The following PALD1 variants were observed in gnomAD, a reference collection of about 807,000 sequenced individuals.
PALD1 encodes phosphatase domain containing paladin 1.
PALD1 carries 57 observed loss-of-function variants against 96.0 expected under a neutral mutation model. The ratio of observed to expected loss-of-function variants is 0.59; its 90% confidence interval spans 0.48 to 0.74. The LOEUF (loss-of-function observed/expected upper bound fraction) is 0.74. Ranked by LOEUF, PALD1 falls within the 30% of genes least tolerant of loss-of-function variation. The pLI, the probability that PALD1 is intolerant of heterozygous loss-of-function variation, is 0.00. For synonymous variants in PALD1, 464 were observed against 473.6 expected, an observed-to-expected ratio of 0.98 and a Z score of 0.26; for missense variants, 1,063 against 1,143.7, an observed-to-expected ratio of 0.93 and a Z score of 1.02.
intron 1 of PALD1, among the ~76,000 whole-genome samples, chr10:70,523,969 A>G (rs1364432643): frequency 6.6e-6 from 1 of 152,124 alleles, no homozygotes; most frequent in African/African-American, 2.4e-5. Context: ...CCTGGGGAAG[A>G]AAGGACAGTG....
intron 1 of PALD1, among the ~76,000 whole-genome samples, chr10:70,480,828 C>T (rs193113632): frequency 1.9e-4 from 29 of 152,262 alleles, no homozygotes; most frequent in African/African-American, 4.8e-4. Flanking sequence ...TGGGCAGAGA[C>T]GTGAGTGCGT....
At chr10:70,506,067 A>G (rs1420253772) in intron 1 of PALD1, among the ~76,000 whole-genome samples, 3 of 152,174 alleles carry the variant, frequency 2.0e-5, no homozygotes, top group African/African-American at 4.8e-5. Context: ...GGTCAGCTCC[A>G]ACTCTGACGA....
chr10:70,528,822 T>C (rs1355577086), intron 2 of PALD1, among the ~76,000 whole-genome samples: 1 of 152,198 alleles, frequency 6.6e-6, no homozygotes, highest in Admixed American at 6.5e-5. Flanking sequence ...TTCCGTCTTA[T>C]GATCTAAGAT....
At chr10:70,520,265 A>G (rs1166970232) in intron 1 of PALD1, among the ~76,000 whole-genome samples, 1 of 151,964 alleles carries the variant, frequency 6.6e-6, no homozygotes, top group Non-Finnish European at 1.5e-5. Flanking sequence ...TGGGCTTGAC[A>G]TGCTGGGAGG....
intron 19 of PALD1, 126 bp downstream of exon 19, chr10:70,564,645 C>T: frequency 1.2e-6 from 1 of 845,292 alleles, no homozygotes; most frequent in Non-Finnish European, 1.9e-6. Context: ...AGCCCCCATC[C>T]CCCTTTCTGC....
chr10:70,499,798 G>C (rs56928593), intron 1 of PALD1, among the ~76,000 whole-genome samples: 4 of 152,168 alleles, frequency 2.6e-5, no homozygotes, highest in African/African-American at 9.7e-5. Context: ...GGCATTCAGG[G>C]CCAGACGGCC....
chr10:70,540,976 A>G lies in PALD1; in HGVS notation c.1909-126A>G. 9.4e-7 allele frequency: 1 copy of G among 1,064,618 alleles called. No individual in the cohort carries two copies. Among genetic ancestry groups the G allele is most frequent in the Non-Finnish European group, 1.4e-6 (1 of 737,582 alleles). The allele number at this position is 1,064,618 out of a possible 1,614,324, so 65.9% of individuals were successfully genotyped here. Reference sequence around the variant, plus strand: ...CCGGTGAGTTTTGTTTGTGTGTGCAAGCTTGGGAGCCTGACAATTTCTGGC... The same window carrying G: ...CCGGTGAGTTTTGTTTGTGTGTGCAGGCTTGGGAGCCTGACAATTTCTGGC... On this transcript the variant is annotated intron_variant, in intron 15 of 19. Transcript: ENST00000263563. This position sits in a 1 kb window ranked among gnomAD's most constrained non-coding sequence, Gnocchi z 4.2.
chr10:70,525,929 G>C lies in PALD1; in HGVS notation c.-23G>C, dbSNP rs545654427. ...ACACCCTCTTATCCTACAGGTCTGG[G>C]GTCCTGAGGCTGCTGGCAGACTATG... On this transcript the variant is annotated 5_prime_UTR_variant, in exon 2 of 20. Coordinates refer to ENST00000263563, the MANE Select transcript of PALD1 (RefSeq NM_014431.3). 1.2e-6 allele frequency: 2 copies of C among 1,613,204 alleles called. No homozygotes were observed. The highest frequency in any genetic ancestry group is 1.3e-5 in the African/African-American group (1 of 75,012).
chr10:70,465,350 A>G, the PALD1 span, among the ~76,000 whole-genome samples: 1 of 152,120 alleles, frequency 6.6e-6, no homozygotes, highest in East Asian at 1.9e-4. Context: ...AGGTGGGGAA[A>G]CTGAGGCTCA....
rs148539719 is a variant in PALD1, at chr10:70,564,274, G to T, written c.2263-90G>T. The T allele has an allele frequency of 2.2e-4, 298 of 1,374,488 alleles. No homozygotes were observed. The African/African-American group carries it at 3.7e-3, about 17-fold the overall frequency. The allele number at this position is 1,374,488 out of a possible 1,614,324, so 85.1% of individuals were successfully genotyped here. On this transcript the variant is annotated intron_variant, in intron 18 of 19. Transcript: ENST00000263563. ...CTCAGCTCTGAGGCTGGATCACCCTGCCCTGGCACTCAGGGCAGCAGGGTG... is the reference window on the plus strand; with the variant it reads ...CTCAGCTCTGAGGCTGGATCACCCTTCCCTGGCACTCAGGGCAGCAGGGTG...
Position 70,530,069 on chromosome 10 carries a change from G to T in PALD1, c.468+1G>T, listed in dbSNP as rs751044363. ...GAAACTCCAGAAGGACGGACATAGGGTAAGTATGCCACTTCCCAGGCAGAA... is the reference window on the plus strand; with the variant it reads ...GAAACTCCAGAAGGACGGACATAGGTTAAGTATGCCACTTCCCAGGCAGAA... On this transcript the variant is annotated splice_donor_variant, in intron 4 of 19. Transcript: ENST00000263563. LOFTEE classifies it high-confidence loss of function. The T allele has an allele frequency of 6.6e-7, 1 of 1,507,214 alleles. No homozygotes were observed. Among genetic ancestry groups the T allele is most frequent in the Admixed American group, 2.3e-5 (1 of 43,954 alleles). 93.4% of individuals were successfully genotyped at this position (1,507,214 alleles called of 1,614,324 possible).
At chr10:70,542,988 G>C (rs1226877206) in intron 17 of PALD1, among the ~76,000 whole-genome samples, 1 of 150,668 alleles carries the variant, frequency 6.6e-6, no homozygotes, top group African/African-American at 2.4e-5. Context: ...GGCCAGGCTG[G>C]TCTCGAACTC....
chr10:70,510,103 G>C (rs1004140680), intron 1 of PALD1, among the ~76,000 whole-genome samples: 2 of 152,142 alleles, frequency 1.3e-5, no homozygotes, highest in Admixed American at 1.3e-4. Context: ...CAAATTCATG[G>C]TGTTGAGATG....
Position 70,531,011 on chromosome 10 carries a change from A to G in PALD1, c.469-279A>G, listed in dbSNP as rs557694210. Among the ~76,000 whole-genome samples the G allele has an allele frequency of 3.3e-5, 5 of 152,330 alleles. No individual in the cohort carries two copies. The South Asian group carries it at 1.0e-3, about 32-fold the overall frequency. ...CCTGTGGTCCATTAAGGGGGAAAAG[A>G]TGCATTCATTGATAGTACAAAGCAG... On this transcript the variant is annotated intron_variant, in intron 4 of 19. Transcript: ENST00000263563.
At chr10:70,468,751 T>TGTGTGTGTGTGTGTGTGTGTGTG in the PALD1 span, among the ~76,000 whole-genome samples, 1 of 143,678 alleles carries the variant, frequency 7.0e-6, no homozygotes, top group African/African-American at 2.6e-5. Context: ...TGTGTGTGTG[T>TGTGTGTGTGTGTGTGTGTGTGTG]TTTGAGATGG....
At chr10:70,468,068 C>T in the PALD1 span, among the ~76,000 whole-genome samples, 1 of 152,104 alleles carries the variant, frequency 6.6e-6, no homozygotes, top group East Asian at 1.9e-4. Flanking sequence ...CTGAGAGGCT[C>T]CTTGGCTTTC....
intron 1 of PALD1, among the ~76,000 whole-genome samples, chr10:70,513,606 C>T (rs1468075427): frequency 1.3e-5 from 2 of 152,194 alleles, no homozygotes; most frequent in African/African-American, 4.8e-5. Context: ...AAATCATGAA[C>T]GTCAGACATC....
intron 18 of PALD1, among the ~76,000 whole-genome samples, chr10:70,555,826 C>T (rs1266256721): frequency 1.3e-5 from 2 of 152,134 alleles, no homozygotes; most frequent in African/African-American, 2.4e-5. Flanking sequence ...ACGGTGAAAC[C>T]GCTTCTATAC....
At chr10:70,543,748 G>A (rs1847302763) in intron 17 of PALD1, among the ~76,000 whole-genome samples, 1 of 152,162 alleles carries the variant, frequency 6.6e-6, no homozygotes. Context: ...TGCCTTGAAT[G>A]TGATGGTCAG....
Sources: allele counts gnomAD v4.1 joint callset (sites outside exome capture counted in the v4.1 genomes callset), GRCh38; gene constraint gnomAD v4.1.1; non-coding constraint Gnocchi (gnomAD v3.1); transcripts MANE v1.5; gene names NCBI Gene and HGNC (gene_info 2026-07-23, HGNC 2026-07-21).